Variants in SGCZ observed in about 807,000 individuals in gnomAD.
SGCZ encodes zeta-sarcoglycan.
Under a neutral mutation model 41.3 loss-of-function variants are expected in SGCZ, and 40 were observed. That is an observed-to-expected ratio of 0.97 (90% CI 0.75 to 1.26). SGCZ has a LOEUF of 1.26. Ranked by LOEUF, SGCZ falls within the 50% of genes most tolerant of loss-of-function variation. SGCZ has a pLI of 0.00. For missense variants in SGCZ, 552 were observed against 369.8 expected, an observed-to-expected ratio of 1.49 and a Z score of -4.04; for synonymous variants, 206 against 137.5, an observed-to-expected ratio of 1.50 and a Z score of -3.49.
At chr8:14,508,607 G>C (rs1039813808) in intron 2 of SGCZ, among the ~76,000 whole-genome samples, 2 of 152,068 alleles carry the variant, frequency 1.3e-5, no homozygotes, top group Non-Finnish European at 2.9e-5. Flanking sequence ...AATGTGCCTT[G>C]GTGGGTCACT....
At chr8:15,146,243 C>T (rs1273561199) in intron 1 of SGCZ, among the ~76,000 whole-genome samples, 1 of 151,868 alleles carries the variant, frequency 6.6e-6, no homozygotes, top group Non-Finnish European at 1.5e-5. Flanking sequence ...TCAATGTTTA[C>T]AAAAATATAA....
intron 1 of SGCZ, among the ~76,000 whole-genome samples, chr8:14,886,156 T>A (rs1804797819): frequency 6.6e-6 from 1 of 151,250 alleles, no homozygotes. Context: ...AGACCGTTAG[T>A]ATTGAACATT....
chr8:15,023,412 T>A (rs781668988), intron 1 of SGCZ, among the ~76,000 whole-genome samples: 4 of 152,156 alleles, frequency 2.6e-5, no homozygotes, highest in Non-Finnish European at 5.9e-5. Flanking sequence ...ATGCAAAGAC[T>A]CGCGCCTTCT....
chr8:14,494,613 T>C (rs1801938059), intron 2 of SGCZ, among the ~76,000 whole-genome samples: 1 of 152,186 alleles, frequency 6.6e-6, no homozygotes, highest in Non-Finnish European at 1.5e-5. Context: ...TTTTGTATTT[T>C]CAATTTACCA....
intron 1 of SGCZ, among the ~76,000 whole-genome samples, chr8:14,729,773 C>T (rs572696879): frequency 1.3e-5 from 2 of 152,166 alleles, no homozygotes; most frequent in Non-Finnish European, 2.9e-5. Context: ...ACAAAACCTA[C>T]CATTCTGGTT....
intron 1 of SGCZ, among the ~76,000 whole-genome samples, chr8:14,815,919 T>G (rs764706907): frequency 6.6e-6 from 1 of 152,236 alleles, no homozygotes; most frequent in Non-Finnish European, 1.5e-5. Context: ...CCTAATTTAT[T>G]TGATGTTGGT....
intron 1 of SGCZ, among the ~76,000 whole-genome samples, chr8:15,176,013 A>G (rs268381): frequency 0.45 from 68,629 of 152,092 alleles, 16,979 homozygotes; most frequent in Non-Finnish European, 0.55. Flanking sequence ...TTACTGTATT[A>G]TACTACTTAT....
chr8:14,213,535 C>A (rs1334337649), intron 4 of SGCZ, among the ~76,000 whole-genome samples: 2 of 151,792 alleles, frequency 1.3e-5, no homozygotes, highest in African/African-American at 4.8e-5. Context: ...TAGATCTCGC[C>A]TTAAAGCATA....
chr8:14,328,214 G>T (rs968385595), intron 2 of SGCZ, among the ~76,000 whole-genome samples: 1 of 152,130 alleles, frequency 6.6e-6, no homozygotes, highest in Admixed American at 6.5e-5. Flanking sequence ...ATGAGTTGAT[G>T]AAATTTGCTT....
At chr8:14,170,452 C>T (rs1049389456) in intron 4 of SGCZ, among the ~76,000 whole-genome samples, 5 of 151,940 alleles carry the variant, frequency 3.3e-5, no homozygotes, top group Admixed American at 2.6e-4. Context: ...TGTGTGACTA[C>T]CTAGCAAGCC....
At chr8:14,715,534 CCACACACACACA>C (rs3069627) in intron 1 of SGCZ, among the ~76,000 whole-genome samples, 1 of 133,312 alleles carries the variant, frequency 7.5e-6, no homozygotes, top group Admixed American at 8.1e-5. Flanking sequence ...ATATCCTCCA[CCACACACACACA>C]CACACACACA....
chr8:14,096,131 CA>C (rs1314066271), intron 7 of SGCZ, among the ~76,000 whole-genome samples: 2 of 152,130 alleles, frequency 1.3e-5, no homozygotes, highest in Admixed American at 1.3e-4. Flanking sequence ...CCAGATCTTC[CA>C]ATACTATGTT....
intron 1 of SGCZ, among the ~76,000 whole-genome samples, chr8:15,137,106 T>C (rs1040989789): frequency 6.6e-6 from 1 of 152,148 alleles, no homozygotes; most frequent in African/African-American, 2.4e-5. Context: ...AAGTCCAGGC[T>C]GAGATGGTCT....
At chr8:14,604,662 T>C (rs933461591) in intron 1 of SGCZ, among the ~76,000 whole-genome samples, 1 of 152,324 alleles carries the variant, frequency 6.6e-6, no homozygotes, top group Middle Eastern at 3.4e-3. Flanking sequence ...CATAGTATTG[T>C]TTCCAGTATT....
intron 1 of SGCZ, among the ~76,000 whole-genome samples, chr8:14,836,779 G>C (rs1802715628): frequency 6.6e-6 from 1 of 152,144 alleles, no homozygotes; most frequent in Admixed American, 6.5e-5. Flanking sequence ...TCAGATTACA[G>C]GCATGAGCCA....
chr8:15,071,128 T>C (rs1194787721), intron 1 of SGCZ, among the ~76,000 whole-genome samples: 1 of 152,156 alleles, frequency 6.6e-6, no homozygotes. Context: ...CAATAATAAC[T>C]TAAAGTTCCC....
Position 14,661,296 on chromosome 8 carries a change from C to G in SGCZ, c.40-106370G>C, listed in dbSNP as rs374660244. ...GATAAGCAAGAATGCATGTTTCCAT[C>G]TGTCATAATTTCAACTATAAATATA... is the stretch of plus-strand genomic sequence containing the variant. On this transcript the variant is annotated intron_variant, in intron 1 of 7. Transcript: ENST00000382080. 1.6e-3 allele frequency among the ~76,000 whole-genome samples: 246 copies of G among 152,218 alleles called. 1 individual carries two copies. The South Asian group carries it at 0.018, about 11-fold the overall frequency.
chr8:14,915,486 T>C (rs1285127851), intron 1 of SGCZ, among the ~76,000 whole-genome samples: 1 of 151,966 alleles, frequency 6.6e-6, no homozygotes, highest in Non-Finnish European at 1.5e-5. Context: ...CTTGCACGGG[T>C]GAATGCCAGA....
intron 7 of SGCZ, 52 bp downstream of exon 7, chr8:14,102,324 G>C: frequency 1.5e-6 from 2 of 1,352,570 alleles, no homozygotes; most frequent in African/African-American, 1.5e-5. Context: ...CTAAATACTT[G>C]TGTTTTCAAA....
Sources: gnomAD v4.1 joint callset for allele counts (sites outside exome capture counted in the v4.1 genomes callset) on GRCh38, gnomAD v4.1.1 for gene constraint, MANE v1.5 for transcripts, NCBI Gene and HGNC (gene_info 2026-07-23, HGNC 2026-07-21) for gene names.